PTCD2: variants seen among roughly 807,000 people sequenced by gnomAD.
The protein encoded by PTCD2 is pentatricopeptide repeat domain 2.
Under a neutral mutation model 42.6 loss-of-function variants are expected in PTCD2, and 31 were observed. The observed-to-expected ratio is 0.73, with a 90% CI of 0.55 to 0.98. The LOEUF is 0.98. Among genes scored for constraint, PTCD2 ranks in the 50% least tolerant of loss-of-function variants. The pLI, the probability that PTCD2 is intolerant of heterozygous loss-of-function variation, is 0.00. For missense variants in PTCD2, 476 were observed against 454.8 expected (o/e 1.05, Z -0.42); for synonymous variants, 183 against 170.9 (o/e 1.07, Z -0.55).
chr5:72,326,054 A>G (rs1751119366), intron 2 of PTCD2, among the ~76,000 whole-genome samples: 1 of 152,234 alleles, frequency 6.6e-6, no homozygotes, highest in African/African-American at 2.4e-5. Flanking sequence ...GCCTTCTAAC[A>G]GCTGAGTAAA....
At chr5:72,322,363 C>G in intron 2 of PTCD2, 99 bp downstream of exon 2, 3 of 756,158 alleles carry the variant, frequency 4.0e-6, no homozygotes, top group Non-Finnish European at 6.9e-6. Flanking sequence ...TTTATTATGC[C>G]TTAGAAAAAG....
rs539814636 is a variant in PTCD2, at chr5:72,366,210, A to G, written c.*7783A>G. ...TAGCCTAGGCGACAAGAGCGAAACT[A>G]TGTTTCAAATAATAATAATAATAAT... On this transcript the variant is annotated 3_prime_UTR_variant, in exon 10 of 10. Transcript: ENST00000380639. 10 of 152,204 alleles carry G rather than the reference A, an allele frequency of 6.6e-5. No homozygotes were observed. The East Asian group carries it at 7.7e-4, about 12-fold the overall frequency. 9.4% of individuals were successfully genotyped at this position (152,204 alleles called of 1,614,324 possible). A position where few individuals can be genotyped will look rare whatever the true frequency, so the allele number is the denominator to read the frequency against.
rs1269955788 is a variant in PTCD2, at chr5:72,358,462, C to G, written c.*35C>G. On this transcript the variant is annotated 3_prime_UTR_variant, in exon 10 of 10. Transcript: ENST00000380639. ...CAGTCCACCTATGGATCTGAGGGGC[C>G]TGCTTCTAGTGAGTTATTACCTTTC... The G allele has an allele frequency of 6.7e-7, 1 of 1,489,722 alleles. No individual in the cohort carries two copies. The highest frequency in any genetic ancestry group is 1.7e-5 in the Admixed American group (1 of 58,300). The allele number at this position is 1,489,722 out of a possible 1,614,324, so 92.3% of individuals were successfully genotyped here. A position where few individuals can be genotyped will look rare whatever the true frequency, so the allele number is the denominator to read the frequency against.
chr5:72,357,908 G>A (rs1362884903), intron 9 of PTCD2, among the ~76,000 whole-genome samples: 1 of 151,366 alleles, frequency 6.6e-6, no homozygotes, highest in East Asian at 1.9e-4. Flanking sequence ...CACGATCACA[G>A]CTCACTGCAG....
At chr5:72,326,332 TC>T (rs1340390032) in intron 2 of PTCD2, among the ~76,000 whole-genome samples, 1 of 152,220 alleles carries the variant, frequency 6.6e-6, no homozygotes, top group Non-Finnish European at 1.5e-5. Context: ...ACCTAGGGAA[TC>T]AAAAATGCCA....
In PTCD2 at chr5:72,364,145, A is replaced by T. The variant is rs969563782; in HGVS notation, c.*5718A>T. ...AAGGAATTACATTGGCTTAAATGGC[A>T]TTAGCTCAAAAAAGTGTTCTCAAAA... On this transcript the variant is annotated 3_prime_UTR_variant, in exon 10 of 10. Transcript: ENST00000380639. The T allele has an allele frequency of 6.6e-6, 1 of 152,270 alleles. No homozygotes were observed. Among genetic ancestry groups the T allele is most frequent in the African/African-American group, 2.4e-5 (1 of 41,470 alleles). The allele number at this position is 152,270 out of a possible 1,614,324, so 9.4% of individuals were successfully genotyped here.
chr5:72,354,382 GAAAAAAAAAAAAA>G (rs35170727), intron 9 of PTCD2, among the ~76,000 whole-genome samples: 15 of 29,814 alleles, frequency 5.0e-4, no homozygotes, highest in South Asian at 3.9e-3. Flanking sequence ...GACTCCATCT[GAAAAAAAAAAAAA>G]AAAAAAAAAA....
At chr5:72,345,424 C>T (rs370928640) in intron 8 of PTCD2, among the ~76,000 whole-genome samples, 2 of 152,174 alleles carry the variant, frequency 1.3e-5, no homozygotes, top group African/African-American at 2.4e-5. Flanking sequence ...GCAATCATCA[C>T]AGGGTCCTGA....
chr5:72,336,536 T>A (rs955668101), intron 6 of PTCD2, among the ~76,000 whole-genome samples: 1 of 152,076 alleles, frequency 6.6e-6, no homozygotes, highest in African/African-American at 2.4e-5. Context: ...CCATGACTTA[T>A]ACGTTCTTTT....
intron 8 of PTCD2, among the ~76,000 whole-genome samples, chr5:72,350,927 A>G (rs1006999887): frequency 1.3e-5 from 2 of 152,244 alleles, no homozygotes; most frequent in Admixed American, 1.3e-4. Context: ...ACCAGTTTTT[A>G]AAAGTACATA....
intron 8 of PTCD2, among the ~76,000 whole-genome samples, chr5:72,348,745 T>A (rs1253361202): frequency 2.0e-5 from 3 of 152,268 alleles, no homozygotes; most frequent in Non-Finnish European, 4.4e-5. Flanking sequence ...CATTTATGTA[T>A]AAAACTGGCA....
intron 6 of PTCD2, among the ~76,000 whole-genome samples, chr5:72,336,665 T>TACTG: frequency 6.7e-6 from 1 of 150,192 alleles, no homozygotes; most frequent in African/African-American, 2.5e-5. Flanking sequence ...GAGCCAAGGT[T>TACTG]GTGCCACTGC....
Position 72,340,898 on chromosome 5 carries a change from A to G in PTCD2, c.754-2064A>G, listed in dbSNP as rs1413726659. On this transcript the variant is annotated intron_variant, in intron 7 of 9. Transcript: ENST00000380639. ...GATGTTGTTCATTTTTCTCATTTCT[A>G]TCTTCTATATCCATGGAAATATTTT... 3.3e-5 allele frequency among the ~76,000 whole-genome samples: 5 copies of G among 149,710 alleles called. No homozygotes were observed. In the South Asian group the frequency reaches 1.1e-3, roughly 32 times the overall value.
intron 8 of PTCD2, among the ~76,000 whole-genome samples, chr5:72,351,934 C>G (rs1210369874): frequency 6.6e-6 from 1 of 152,138 alleles, no homozygotes; most frequent in Non-Finnish European, 1.5e-5. Context: ...CTTCTGTATA[C>G]TGGTATTTTA....
At chr5:72,348,074 A>G (rs1288853398) in intron 8 of PTCD2, among the ~76,000 whole-genome samples, 1 of 152,240 alleles carries the variant, frequency 6.6e-6, no homozygotes, top group Admixed American at 6.5e-5. Context: ...TCAAATGTTC[A>G]ACCCAAATTT....
At chr5:72,341,212 T>A (rs916745110) in intron 7 of PTCD2, among the ~76,000 whole-genome samples, 2 of 152,008 alleles carry the variant, frequency 1.3e-5, no homozygotes, top group Non-Finnish European at 2.9e-5. Context: ...GCCCAGCTGC[T>A]TTTTGTATTT....
intron 8 of PTCD2, among the ~76,000 whole-genome samples, chr5:72,344,223 A>C (rs755201662): frequency 6.6e-6 from 1 of 152,150 alleles, no homozygotes; most frequent in Non-Finnish European, 1.5e-5. Context: ...TTAAAAGAAT[A>C]TGAACTGTGG....
Position 72,338,721 on chromosome 5 carries a change from T to G in PTCD2, c.739T>G (p.Leu247Val). Reference sequence around the variant, plus strand: ...GAGAGCATCCTGTTTCGCTGTGGCATTAGCTCTGAATCAGGTAAAGCCTTG... The same window carrying G: ...GAGAGCATCCTGTTTCGCTGTGGCAGTAGCTCTGAATCAGGTAAAGCCTTG... ...SRRASCFAVA[L>V]ALNQNEMAKA... Residue 247 changes from leucine to valine, a missense_variant, in exon 7 of 10, where the codon TTA (leucine) becomes GTA (valine). Transcript: ENST00000380639. 6.2e-7 allele frequency: 1 copy of G among 1,603,426 alleles called. No homozygotes were observed. Among genetic ancestry groups the G allele is most frequent in the Non-Finnish European group, 8.5e-7 (1 of 1,170,508 alleles).
chr5:72,338,538 G>A, intron 6 of PTCD2, 84 bp from the exon 7 acceptor site: 1 of 582,082 alleles, frequency 1.7e-6, no homozygotes, highest in Admixed American at 3.6e-5. Flanking sequence ...CTTACAAAAG[G>A]AACTATAAAT....
Sources: allele counts gnomAD v4.1 joint callset (sites outside exome capture counted in the v4.1 genomes callset), GRCh38; gene constraint gnomAD v4.1.1; transcripts MANE v1.5; gene names NCBI Gene and HGNC (gene_info 2026-07-23, HGNC 2026-07-21).